MCF2L2: variants seen among roughly 807,000 people sequenced by gnomAD.
MCF2L2 encodes probable guanine nucleotide exchange factor MCF2L2.
MCF2L2 carries 102 observed loss-of-function variants against 150.2 expected under a neutral mutation model. That is an observed-to-expected ratio of 0.68 (90% confidence interval 0.58 to 0.80). The LOEUF is 0.80. Ranked by LOEUF, MCF2L2 falls within the 30% of genes least tolerant of loss-of-function variation. The pLI is 0.00. For synonymous variants in MCF2L2, 465 were observed against 491.3 expected (o/e 0.95, Z 0.71); for missense variants, 1,256 against 1,372.8 (o/e 0.91, Z 1.34).
intron 3 of MCF2L2, among the ~76,000 whole-genome samples, chr3:183,348,725 T>G (rs1044854393): frequency 1.3e-5 from 2 of 152,260 alleles, no homozygotes; most frequent in East Asian, 3.9e-4. Flanking sequence ...AATGTGGCTA[T>G]GTGAATATTT....
intron 3 of MCF2L2, among the ~76,000 whole-genome samples, chr3:183,359,469 C>G (rs771449095): frequency 3.9e-5 from 6 of 152,226 alleles, no homozygotes; most frequent in Non-Finnish European, 7.3e-5. Context: ...GTTCTGCTCA[C>G]ACTCCAGCTG....
chr3:183,420,931 G>C (rs932399603), intron 1 of MCF2L2, among the ~76,000 whole-genome samples: 8 of 152,200 alleles, frequency 5.3e-5, no homozygotes, highest in African/African-American at 1.9e-4. Flanking sequence ...TTTGGGTGGG[G>C]ACACAGAGCT....
At chr3:183,207,459 C>T in intron 23 of MCF2L2, 149 bp downstream of exon 23, 1 of 644,616 alleles carries the variant, frequency 1.6e-6, no homozygotes, top group Non-Finnish European at 2.7e-6. Context: ...GTCAGACAGA[C>T]CCGGCTATGG....
chr3:183,404,752 A>G (rs1178083261), intron 1 of MCF2L2, among the ~76,000 whole-genome samples: 1 of 151,930 alleles, frequency 6.6e-6, no homozygotes, highest in African/African-American at 2.4e-5. Context: ...AATCCTAGCT[A>G]CTCGGGAGGC....
intron 19 of MCF2L2, 27 bp from the exon 20 acceptor site, chr3:183,223,465 A>G: frequency 6.6e-7 from 1 of 1,522,550 alleles, no homozygotes; most frequent in Non-Finnish European, 9.1e-7. Flanking sequence ...GAAACAACAT[A>G]AAGCAAAACA....
At chr3:183,366,396 C>T (rs1402063994) in intron 3 of MCF2L2, among the ~76,000 whole-genome samples, 5 of 152,094 alleles carry the variant, frequency 3.3e-5, no homozygotes, top group South Asian at 2.1e-4. Flanking sequence ...ATCCCAGCAC[C>T]GTGGGAGGCT....
chr3:183,229,588 C>T, intron 17 of MCF2L2, 78 bp downstream of exon 17: 2 of 689,194 alleles, frequency 2.9e-6, no homozygotes, highest in Non-Finnish European at 4.9e-6. Flanking sequence ...TAAGTGTTTT[C>T]ATCTCTCAAT....
chr3:183,338,485 C>T (rs568180756), intron 5 of MCF2L2, among the ~76,000 whole-genome samples: 2 of 151,192 alleles, frequency 1.3e-5, no homozygotes, highest in South Asian at 4.2e-4. Flanking sequence ...AAAAGAAAAC[C>T]TTCCCTGGAT....
In MCF2L2 at chr3:183,206,197, A is replaced by T; in HGVS notation, c.2730T>A (p.Ile910=). 1 of 1,614,014 alleles carries T rather than the reference A, an allele frequency of 6.2e-7. No homozygotes were observed. The highest frequency in any genetic ancestry group is 1.1e-5 in the South Asian group (1 of 91,084). ...KKTMKLMTLS[I]RQLGRGSHRK... is the part of the protein sequence containing the mutation. ...TATGGCTCCCCCTTCCAAGCTGGCG[A>T]ATTGAAAGTGTCATCAGCTATTATA... is the stretch of plus-strand genomic sequence containing the variant. The change falls in exon 24 of 30, where the codon ATT becomes ATA. Residue 910 remains isoleucine (I), a synonymous_variant. Coordinates refer to ENST00000328913, the MANE Select transcript of MCF2L2 (RefSeq NM_015078.4).
rs555699946 is a variant in MCF2L2, at chr3:183,326,964, T to C, written c.487-3613A>G. 1.6e-3 allele frequency among the ~76,000 whole-genome samples: 242 copies of C among 152,180 alleles called. 1 individual carries two copies. Among genetic ancestry groups the C allele is most frequent in the Non-Finnish European group, 2.6e-3 (179 of 68,012 alleles). ...GCTGAAACAACCGGACATTCATATGTAAAAATAGGAATCTTGACCCACACC... is the reference window on the plus strand; with the variant it reads ...GCTGAAACAACCGGACATTCATATGCAAAAATAGGAATCTTGACCCACACC... On this transcript the variant is annotated intron_variant, in intron 5 of 29. Coordinates refer to ENST00000328913, the MANE Select transcript of MCF2L2 (RefSeq NM_015078.4).
At position 183,179,109 on chromosome 3, in the gene MCF2L2, T is replaced by G; in HGVS notation, c.*271A>C. On this transcript the variant is annotated 3_prime_UTR_variant, in exon 30 of 30. Coordinates refer to ENST00000328913, the MANE Select transcript of MCF2L2 (RefSeq NM_015078.4). The surrounding 1 kb of genome is among the most constrained non-coding windows in gnomAD (Gnocchi z 4.2). ...CAGCAAAGAATTGCCCGGCTCCGAA[T>G]ATCGAAGTGCGCGGTCGAGAAGGCG... 1 of 375,516 alleles carries G rather than the reference T, an allele frequency of 2.7e-6. No individual in the cohort carries two copies. Among genetic ancestry groups the G allele is most frequent in the East Asian group, 4.0e-5 (1 of 25,202 alleles). 23.3% of individuals were successfully genotyped at this position (375,516 alleles called of 1,614,324 possible). A position where few individuals can be genotyped will look rare whatever the true frequency, so the allele number is the denominator to read the frequency against.
rs1157860077 is a variant in MCF2L2, at chr3:183,179,526, A to G, written c.3222-23T>C. 5 of 1,610,816 alleles carry G rather than the reference A, an allele frequency of 3.1e-6. No individual in the cohort carries two copies. The Admixed American group carries it at 6.7e-5, about 22-fold the overall frequency. On this transcript the variant is annotated intron_variant, in intron 29 of 29. Coordinates refer to ENST00000328913, the MANE Select transcript of MCF2L2 (RefSeq NM_015078.4). This position sits in a 1 kb window ranked among gnomAD's most constrained non-coding sequence, Gnocchi z 4.2. ...GCCCTGCAATTCCGAGAAGAAAGTC[A>G]GAGACGCCGTGGCCCAAAGAGGCGC...
intron 3 of MCF2L2, among the ~76,000 whole-genome samples, chr3:183,363,676 G>C (rs886283284): frequency 5.3e-5 from 8 of 152,136 alleles, no homozygotes; most frequent in African/African-American, 1.9e-4. Context: ...GGAAGGTCGA[G>C]GCTGTAGTGA....
At chr3:183,375,493 A>G (rs1713142382) in intron 3 of MCF2L2, 1 of 152,190 alleles carries the variant, frequency 6.6e-6, no homozygotes, top group African/African-American at 2.4e-5. Context: ...AAAGATATTG[A>G]TAACAGAGTC....
intron 14 of MCF2L2, among the ~76,000 whole-genome samples, chr3:183,281,548 T>C (rs1475001695): frequency 3.9e-5 from 6 of 152,138 alleles, no homozygotes; most frequent in Admixed American, 3.3e-4. Context: ...AAATATTCCT[T>C]TGGAAAACTG....
intron 1 of MCF2L2, among the ~76,000 whole-genome samples, chr3:183,394,593 C>A (rs890045629): frequency 2.0e-5 from 3 of 152,204 alleles, no homozygotes; most frequent in Non-Finnish European, 2.9e-5. Context: ...CTGGGTCCTG[C>A]GCTATAGCGA....
chr3:183,287,657 C>T (rs1051606246), intron 14 of MCF2L2: 2 of 152,152 alleles, frequency 1.3e-5, no homozygotes, highest in Non-Finnish European at 2.9e-5. Flanking sequence ...CTTGAGAAAA[C>T]ATGGTGATGC....
intron 14 of MCF2L2, among the ~76,000 whole-genome samples, chr3:183,282,674 T>C (rs766947627): frequency 6.6e-6 from 1 of 152,232 alleles, no homozygotes; most frequent in Non-Finnish European, 1.5e-5. Flanking sequence ...TTTGGTTTCA[T>C]CTGATTTTAA....
At chr3:183,244,268 C>T (rs1260678458) in intron 15 of MCF2L2, among the ~76,000 whole-genome samples, 1 of 151,768 alleles carries the variant, frequency 6.6e-6, no homozygotes, top group Non-Finnish European at 1.5e-5. Context: ...CTGGATGCTT[C>T]CTGCCCTGGA....
Sources: allele counts gnomAD v4.1 joint callset (sites outside exome capture counted in the v4.1 genomes callset), GRCh38; gene constraint gnomAD v4.1.1; non-coding constraint Gnocchi (gnomAD v3.1); transcripts MANE v1.5; gene names NCBI Gene and HGNC (gene_info 2026-07-23, HGNC 2026-07-21).